The following OPCML variants were observed in gnomAD, a reference collection of about 807,000 sequenced individuals.
The protein encoded by OPCML is opioid binding protein/cell adhesion molecule like.
OPCML carries 13 observed loss-of-function variants against 37.8 expected under a neutral mutation model. The observed-to-expected ratio is 0.34, with a 90% confidence interval of 0.22 to 0.55. The LOEUF (loss-of-function observed/expected upper bound fraction) is 0.55. OPCML is among the 20% of genes least tolerant of loss of function. The pLI is 0.91. For missense variants in OPCML, 341 were observed against 435.6 expected (o/e 0.78, Z 1.93); for synonymous variants, 176 against 168.8 (o/e 1.04, Z -0.33).
chr11:132,850,215 T>C (rs1214960242), intron 2 of OPCML, among the ~76,000 whole-genome samples: 1 of 152,156 alleles, frequency 6.6e-6, no homozygotes, highest in Non-Finnish European at 1.5e-5. Context: ...GATGTGCATC[T>C]CATGGAAGGA....
At chr11:132,930,953 G>T (rs571675360) in intron 2 of OPCML, among the ~76,000 whole-genome samples, 1 of 152,224 alleles carries the variant, frequency 6.6e-6, no homozygotes, top group South Asian at 2.1e-4. Flanking sequence ...TGTGGTCCTG[G>T]CATAACAACA....
intron 1 of OPCML, among the ~76,000 whole-genome samples, chr11:133,075,792 G>A (rs964491146): frequency 6.6e-6 from 1 of 152,136 alleles, no homozygotes; most frequent in African/African-American, 2.4e-5. Context: ...CCAGGCCTAG[G>A]GGACCTTGGT....
At chr11:132,610,352 G>T (rs1458013452) in intron 3 of OPCML, among the ~76,000 whole-genome samples, 1 of 152,172 alleles carries the variant, frequency 6.6e-6, no homozygotes, top group African/African-American at 2.4e-5. Flanking sequence ...TAAATCTCTT[G>T]CCAGTTACTT....
intron 4 of OPCML, among the ~76,000 whole-genome samples, chr11:132,476,777 A>C (rs968962437): frequency 1.3e-5 from 2 of 152,084 alleles, no homozygotes; most frequent in Admixed American, 6.6e-5. Flanking sequence ...CCAACATGGC[A>C]CATGTATACA....
At chr11:133,381,696 C>G (rs746722442) in intron 1 of OPCML, among the ~76,000 whole-genome samples, 2 of 152,132 alleles carry the variant, frequency 1.3e-5, no homozygotes, top group East Asian at 3.9e-4. Context: ...GTGAGCGTAA[C>G]GAGTCAGAAA....
intron 1 of OPCML, among the ~76,000 whole-genome samples, chr11:133,472,083 A>AT (rs920700341): frequency 1.0e-4 from 15 of 150,674 alleles, no homozygotes; most frequent in Admixed American, 4.0e-4. Context: ...GTTAAGTTTG[A>AT]TTTTTTTTTT....
chr11:132,888,807 TA>T (rs1164452414), intron 2 of OPCML, among the ~76,000 whole-genome samples: 1 of 151,372 alleles, frequency 6.6e-6, no homozygotes, highest in Non-Finnish European at 1.5e-5. Context: ...TTTAATAATT[TA>T]AAGCCACTGC....
intron 1 of OPCML, among the ~76,000 whole-genome samples, chr11:133,182,903 C>T (rs971382206): frequency 4.6e-5 from 7 of 152,034 alleles, no homozygotes; most frequent in Non-Finnish European, 7.4e-5. Flanking sequence ...ACCACGAAGG[C>T]GCCCAACCCC....
At position 133,516,499 on chromosome 11, in the gene OPCML, C is replaced by G. The variant is rs75864283; in HGVS notation, c.61+15765G>C. ...AAAAACTATGCTAAGGAGAGGCATC[C>G]ACTCCCAGTTTTTCCGAGTTTTGCT... On this transcript the variant is annotated intron_variant, in intron 1 of 7. Coordinates refer to ENST00000524381, the MANE Select transcript of OPCML (RefSeq NM_001012393.5). 2.5e-3 allele frequency among the ~76,000 whole-genome samples: 388 copies of G among 152,304 alleles called. 3 individuals carry two copies. The highest frequency in any genetic ancestry group is 8.8e-3 in the African/African-American group (365 of 41,564).
At chr11:132,715,533 T>C (rs956013585) in intron 2 of OPCML, among the ~76,000 whole-genome samples, 1 of 152,138 alleles carries the variant, frequency 6.6e-6, no homozygotes, top group African/African-American at 2.4e-5. Flanking sequence ...TCCTAGCCCC[T>C]AGTGTAATGG....
rs549132450 is a variant in OPCML at position 132,812,293 on chromosome 11, G to T, written c.146+130633C>A. ...ATCAGTTTCCTCAATTTTACTCCCT[G>T]TGTCTGAAAGGTGAACCTGAGCAAC... is the stretch of plus-strand genomic sequence containing the variant. On this transcript the variant is annotated intron_variant, in intron 2 of 7. Transcript: ENST00000524381. Among the ~76,000 whole-genome samples, 198 of 152,234 alleles carry T rather than the reference G, an allele frequency of 1.3e-3. 1 individual carries two copies. Among genetic ancestry groups the T allele is most frequent in the African/African-American group, 4.4e-3 (184 of 41,528 alleles).
intron 1 of OPCML, among the ~76,000 whole-genome samples, chr11:133,235,741 T>G (rs1175074459): frequency 6.6e-6 from 1 of 152,172 alleles, no homozygotes; most frequent in Non-Finnish European, 1.5e-5. Flanking sequence ...CAGGGATACC[T>G]GGATTTTCTG....
intron 1 of OPCML, among the ~76,000 whole-genome samples, chr11:133,119,365 A>G (rs1249153940): frequency 2.0e-5 from 3 of 149,532 alleles, no homozygotes; most frequent in Admixed American, 2.0e-4. Flanking sequence ...CTACTATTTC[A>G]GAAGGGCCTT....
At chr11:132,663,665 G>C (rs898329441) in intron 2 of OPCML, among the ~76,000 whole-genome samples, 1 of 152,164 alleles carries the variant, frequency 6.6e-6, no homozygotes, top group Non-Finnish European at 1.5e-5. Context: ...AATGATATGG[G>C]CTCCACTGTA....
At chr11:133,314,320 T>C (rs1943151583) in intron 1 of OPCML, among the ~76,000 whole-genome samples, 2 of 148,798 alleles carry the variant, frequency 1.3e-5, no homozygotes, top group South Asian at 4.3e-4. Context: ...ACTAATTAAA[T>C]TCAATACACT....
chr11:132,728,327 A>G (rs980618807), intron 2 of OPCML, among the ~76,000 whole-genome samples: 49 of 152,276 alleles, frequency 3.2e-4, no homozygotes, highest in African/African-American at 1.1e-3. Flanking sequence ...CTCTCTTTCA[A>G]GCGGAGTCAT....
intron 1 of OPCML, among the ~76,000 whole-genome samples, chr11:133,357,457 G>A (rs193243962): frequency 3.3e-5 from 5 of 152,332 alleles, no homozygotes; most frequent in East Asian, 1.9e-4. Flanking sequence ...TTGGGAAAAC[G>A]TTTATCTGCA....
At chr11:132,487,494 C>T (rs1006639046) in intron 4 of OPCML, among the ~76,000 whole-genome samples, 5 of 152,194 alleles carry the variant, frequency 3.3e-5, no homozygotes, top group African/African-American at 7.2e-5. Flanking sequence ...ACTACAGTAA[C>T]GGTGAGCAGC....
intron 2 of OPCML, among the ~76,000 whole-genome samples, chr11:132,763,010 C>A (rs952253879): frequency 2.0e-5 from 3 of 152,094 alleles, no homozygotes; most frequent in Non-Finnish European, 2.9e-5. Flanking sequence ...AGTATCTGGG[C>A]CAGATAGCAC....
Sources: gnomAD v4.1 joint callset for allele counts (sites outside exome capture counted in the v4.1 genomes callset) on GRCh38, gnomAD v4.1.1 for gene constraint, MANE v1.5 for transcripts, NCBI Gene and HGNC (gene_info 2026-07-23, HGNC 2026-07-21) for gene names.